CDH4: variants seen among roughly 807,000 people sequenced by gnomAD.
The protein encoded by CDH4 is cadherin-4.
A neutral mutation model predicts 86.0 loss-of-function variants in CDH4; 33 were observed. The ratio of observed to expected loss-of-function variants is 0.38; its 90% CI spans 0.29 to 0.51. The LOEUF (loss-of-function observed/expected upper bound fraction) is 0.51, where lower values mean the gene tolerates loss of function less well. Ranked by LOEUF, CDH4 falls within the 20% of genes least tolerant of loss-of-function variation. The pLI is 0.86. For missense variants in CDH4, 1,114 were observed against 1,307.4 expected (o/e 0.85, Z 2.28); for synonymous variants, 555 against 549.4 (o/e 1.01, Z -0.14).
intron 2 of CDH4, among the ~76,000 whole-genome samples, chr20:61,539,092 A>G (rs1369047362): frequency 6.6e-6 from 1 of 152,088 alleles, no homozygotes; most frequent in African/African-American, 2.4e-5. Flanking sequence ...TGGAGGGGGA[A>G]GGGAACTTGA....
At chr20:61,364,770 C>T (rs1014471823) in intron 2 of CDH4, among the ~76,000 whole-genome samples, 12 of 152,202 alleles carry the variant, frequency 7.9e-5, no homozygotes, top group African/African-American at 1.9e-4. Context: ...CAAACCCAAG[C>T]GATGATGAGG....
At chr20:61,712,303 G>C (rs2087902459) in intron 2 of CDH4, among the ~76,000 whole-genome samples, 2 of 152,220 alleles carry the variant, frequency 1.3e-5, no homozygotes, top group Admixed American at 6.5e-5. Context: ...GGAGGCAGTG[G>C]GGCTCTGTGG....
At chr20:61,758,793 A>C (rs1012685715) in intron 3 of CDH4, among the ~76,000 whole-genome samples, 4 of 152,200 alleles carry the variant, frequency 2.6e-5, no homozygotes, top group African/African-American at 9.6e-5. Context: ...AGGCCTGTGC[A>C]GGCTGGGAGC....
chr20:61,854,571 T>C (rs1412052628), intron 6 of CDH4, among the ~76,000 whole-genome samples: 1 of 145,654 alleles, frequency 6.9e-6, no homozygotes, highest in East Asian at 2.1e-4. Context: ...AGGGCTGCAG[T>C]GTGAACAGGG....
At chr20:61,374,010 C>T (rs1013816507) in intron 2 of CDH4, among the ~76,000 whole-genome samples, 4 of 152,088 alleles carry the variant, frequency 2.6e-5, no homozygotes, top group Non-Finnish European at 5.9e-5. Flanking sequence ...GCAGTGCGCA[C>T]GGCGGGTGTG....
In CDH4 at chr20:61,833,667, C is replaced by T. The variant is rs117073883; in HGVS notation, c.577-11001C>T. ...TGAGCACAGTACTGAGCCCTCATAA[C>T]TGACCAAGCACAGTACTCAGCCCTT... On this transcript the variant is annotated intron_variant, in intron 4 of 15. Transcript: ENST00000614565. 3.7e-3 allele frequency among the ~76,000 whole-genome samples: 569 copies of T among 152,086 alleles called. 2 individuals are homozygous for T. Among genetic ancestry groups the T allele is most frequent in the South Asian group, 0.013 (63 of 4,826 alleles).
At chr20:61,628,008 C>T (rs2086846824) in intron 2 of CDH4, among the ~76,000 whole-genome samples, 1 of 152,104 alleles carries the variant, frequency 6.6e-6, no homozygotes, top group African/African-American at 2.4e-5. Flanking sequence ...ACAAAGCCAA[C>T]GTGCCCCACC....
Position 61,703,318 on chromosome 20 carries a change from G to A in CDH4, c.170-40245G>A, listed in dbSNP as rs936452885. Among the ~76,000 whole-genome samples, 5 of 152,132 alleles carry A rather than the reference G, an allele frequency of 3.3e-5. No individual in the cohort carries two copies. The highest frequency in any genetic ancestry group is 2.1e-4 in the South Asian group (1 of 4,826). ...GGCATTCATCCTAGTTTAAGGAGAC[G>A]GGCAGTACACACCACGAGTGTCATG... On this transcript the variant is annotated intron_variant, in intron 2 of 15. Coordinates refer to ENST00000614565, the MANE Select transcript of CDH4 (RefSeq NM_001794.5). This position sits in a 1 kb window ranked among gnomAD's most constrained non-coding sequence, Gnocchi z 4.3.
At chr20:61,928,101 G>A in intron 11 of CDH4, 89 bp from the exon 12 acceptor site, 1 of 992,162 alleles carries the variant, frequency 1.0e-6, no homozygotes, top group East Asian at 2.4e-5. Context: ...GTTGCACGTG[G>A]TTGTTTGTGT....
intron 2 of CDH4, among the ~76,000 whole-genome samples, chr20:61,272,875 AGTTTGGGAGAGTACCGTGTG>A (rs2084191060): frequency 8.1e-6 from 1 of 123,870 alleles, no homozygotes; most frequent in African/African-American, 3.2e-5. Context: ...TACCATGCGC[AGTTTGGGAGAGTACCGTGTG>A]CAGTTTGGGG....
intron 2 of CDH4, among the ~76,000 whole-genome samples, chr20:61,422,931 A>T (rs2085188204): frequency 6.6e-6 from 1 of 152,138 alleles, no homozygotes; most frequent in Non-Finnish European, 1.5e-5. Context: ...TCTGGGAAAA[A>T]ACCCATGCGA....
intron 2 of CDH4, among the ~76,000 whole-genome samples, chr20:61,489,548 G>T (rs2085614429): frequency 6.6e-6 from 1 of 152,204 alleles, no homozygotes; most frequent in Non-Finnish European, 1.5e-5. Context: ...AACTTGACTT[G>T]TCACTCCTCC....
At chr20:61,279,920 G>T (rs1225512954) in intron 2 of CDH4, among the ~76,000 whole-genome samples, 1 of 152,148 alleles carries the variant, frequency 6.6e-6, no homozygotes, top group African/African-American at 2.4e-5. Context: ...GGAGGGAAAG[G>T]GGACATCTTC....
At chr20:61,273,806 CAT>C (rs2084203215) in intron 2 of CDH4, among the ~76,000 whole-genome samples, 1 of 135,556 alleles carries the variant, frequency 7.4e-6, no homozygotes, top group African/African-American at 2.8e-5. Flanking sequence ...GTGGTAGTAC[CAT>C]ATGCAGTTTG....
intron 2 of CDH4, among the ~76,000 whole-genome samples, chr20:61,724,461 C>T (rs991194080): frequency 5.3e-5 from 8 of 152,214 alleles, no homozygotes; most frequent in Non-Finnish European, 1.2e-4. Context: ...CAGCCCTGCC[C>T]CCTGCACTCC....
chr20:61,600,982 C>A (rs564308689), intron 2 of CDH4, among the ~76,000 whole-genome samples: 2 of 152,290 alleles, frequency 1.3e-5, no homozygotes, highest in East Asian at 3.9e-4. Flanking sequence ...AGGCACCTTG[C>A]CTGAGTGCCC....
rs1287590574 is a variant in CDH4, at chr20:61,810,134, G to C, written c.577-34534G>C. ...GGACGGGCCTCAGCCGGGGTGGGGTGGGGGGCACCTGAGCCTAGACCTGTT... is the reference window on the plus strand; with the variant it reads ...GGACGGGCCTCAGCCGGGGTGGGGTCGGGGGCACCTGAGCCTAGACCTGTT... On this transcript the variant is annotated intron_variant, in intron 4 of 15. Transcript: ENST00000614565. This position sits in a 1 kb window ranked among gnomAD's most constrained non-coding sequence, Gnocchi z 4.3. 6.6e-6 allele frequency among the ~76,000 whole-genome samples: 1 copy of C among 152,162 alleles called. No homozygotes were observed. Among genetic ancestry groups the C allele is most frequent in the Non-Finnish European group, 1.5e-5 (1 of 68,014 alleles).
chr20:61,443,546 A>G (rs2085324937), intron 2 of CDH4, among the ~76,000 whole-genome samples: 1 of 152,162 alleles, frequency 6.6e-6, no homozygotes, highest in Non-Finnish European at 1.5e-5. Flanking sequence ...TCCTGATCAC[A>G]CAGCTGTCAC....
chr20:61,607,406 C>T (rs1169551218), intron 2 of CDH4, among the ~76,000 whole-genome samples: 1 of 152,084 alleles, frequency 6.6e-6, no homozygotes, highest in East Asian at 1.9e-4. Context: ...TTGGAAAATA[C>T]ACTTGATGTC....
Sources: gnomAD v4.1 joint callset for allele counts (sites outside exome capture counted in the v4.1 genomes callset) on GRCh38, gnomAD v4.1.1 for gene constraint, Gnocchi (gnomAD v3.1) non-coding constraint, MANE v1.5 for transcripts, NCBI Gene and HGNC (gene_info 2026-07-23, HGNC 2026-07-21) for gene names.